The following MTOR variants were observed in gnomAD, a reference collection of about 807,000 sequenced individuals.
MTOR encodes the protein mechanistic target of rapamycin kinase, also known as serine/threonine-protein kinase mTOR.
A neutral mutation model predicts 319.8 loss-of-function variants in MTOR; 70 were observed. That is an observed-to-expected ratio of 0.22 (90% CI 0.18 to 0.27). The LOEUF is 0.27. MTOR is among the 10% of genes least tolerant of loss of function. MTOR has a pLI of 1.00. For missense variants in MTOR, 1,890 were observed against 3,274.4 expected (o/e 0.58, Z 10.32); for synonymous variants, 1,183 against 1,211.4 (o/e 0.98, Z 0.49).
intron 29 of MTOR, among the ~76,000 whole-genome samples, chr1:11,163,530 G>T (rs1557791618): frequency 6.6e-6 from 1 of 152,142 alleles, no homozygotes; most frequent in East Asian, 1.9e-4. Context: ...CACATAGTTG[G>T]AAGTAAAGCA....
chr1:11,191,869 A>G (rs1424175553), intron 28 of MTOR, among the ~76,000 whole-genome samples: 1 of 152,244 alleles, frequency 6.6e-6, no homozygotes, highest in African/African-American at 2.4e-5. Context: ...TCTATGAGAT[A>G]TTCACGACTG....
Position 11,253,844 on chromosome 1 carries a change from C to T in MTOR, c.835G>A (p.Gly279Arg), listed in dbSNP as rs764697096. ...NELVRISSMEGERLREEMEEI... is the reference protein window; with the variant it reads ...NELVRISSMERERLREEMEEI... The stretch of plus-strand genomic sequence containing the variant: ...CCTCTGCCGTGGCTTCTCACCTCTC[C>T]CTCCATGCTGCTGATTCGGACCAGC... The change falls in exon 6 of 58, where the codon GGA becomes AGA. Residue 279 changes from glycine to arginine, a missense_variant. Physicochemically the swap from Gly to Arg is moderately radical, Grantham distance 125. Around this residue, in one of 15 missense-constraint regions of MTOR, gnomAD observed 418 missense variants for 543.1 expected, o/e 0.77. Transcript: ENST00000361445. 9 of 1,614,002 alleles carry T rather than the reference C, an allele frequency of 5.6e-6. No homozygotes were observed.
chr1:11,175,526 A>T (rs1221046507), intron 28 of MTOR, among the ~76,000 whole-genome samples: 5 of 152,098 alleles, frequency 3.3e-5, no homozygotes, highest in Admixed American at 6.5e-5. Context: ...CTGCCTTCCT[A>T]TAGCAAACAT....
At position 11,128,080 on chromosome 1, in the gene MTOR, G is replaced by T. The variant is rs1356074098; in HGVS notation, c.5957C>A (p.Ala1986Asp). Residue 1986 changes from alanine to aspartate, a missense_variant, in exon 43 of 58, where the codon GCC becomes GAC. By Grantham distance (126) the Ala-to-Asp change is moderately radical. Transcript: ENST00000361445. This position sits in a 1 kb window ranked among gnomAD's most constrained non-coding sequence, Gnocchi z 5.3. ...LTVASKSTTTARHNAANKILK... is the reference protein window; with the variant it reads ...LTVASKSTTTDRHNAANKILK... ...AATCTTGTTGGCTGCATTGTGCCGGGCTGTCGTGGTAGACTTAGAAGCCAC... is the reference window on the plus strand; with the variant it reads ...AATCTTGTTGGCTGCATTGTGCCGGTCTGTCGTGGTAGACTTAGAAGCCAC... 1 of 1,614,188 alleles carries T rather than the reference G, an allele frequency of 6.2e-7. No homozygotes were observed. The highest frequency in any genetic ancestry group is 8.5e-7 in the Non-Finnish European group (1 of 1,180,038).
chr1:11,236,891 G>A (rs1011175109), intron 13 of MTOR, among the ~76,000 whole-genome samples: 10 of 152,144 alleles, frequency 6.6e-5, no homozygotes, highest in Middle Eastern at 3.4e-3. Flanking sequence ...AACGCAGGCC[G>A]GCAGTTAAAT....
intron 1 of MTOR, among the ~76,000 whole-genome samples, chr1:11,259,702 G>A (rs1310568420): frequency 6.6e-6 from 1 of 152,104 alleles, no homozygotes; most frequent in Non-Finnish European, 1.5e-5. Context: ...GAGCAGTTTG[G>A]GAGGCTGAGC....
At chr1:11,218,999 AG>A (rs113594048) in intron 19 of MTOR, among the ~76,000 whole-genome samples, 4,536 of 152,242 alleles carry the variant, frequency 0.03, 174 homozygotes, top group Admixed American at 0.071. Context: ...CCCCGAGCTC[AG>A]AAGTTTAAGA....
chr1:11,157,163 G>A lies in MTOR; in HGVS notation c.4458C>T (p.Ala1486=). The change falls in exon 30 of 58, where the codon GCC becomes GCT. Residue 1486 remains alanine, a synonymous_variant. Transcript: ENST00000361445. The part of the protein sequence containing the change: ...LMLGRMRCLE[A]LGEWGQLHQQ... ...TCTAGGAAGCTCACCATTCCCCCAAGGCCTCGAGGCAGCGCATGCGGCCCA... is the reference window on the plus strand; with the variant it reads ...TCTAGGAAGCTCACCATTCCCCCAAAGCCTCGAGGCAGCGCATGCGGCCCA... The A allele has an allele frequency of 6.2e-7, 1 of 1,608,230 alleles. No individual in the cohort carries two copies. Among genetic ancestry groups the A allele is most frequent in the Non-Finnish European group, 8.5e-7 (1 of 1,177,448 alleles).
chr1:11,130,909 G>C, intron 38 of MTOR, 132 bp from the exon 39 acceptor site: 1 of 1,181,940 alleles, frequency 8.5e-7, no homozygotes, highest in Non-Finnish European at 1.2e-6. Context: ...ACACTTCAAG[G>C]AGACACTCAG....
intron 18 of MTOR, 103 bp from the exon 19 acceptor site, chr1:11,229,021 C>A (rs1033922056): frequency 7.2e-7 from 1 of 1,396,528 alleles, no homozygotes; most frequent in South Asian, 1.3e-5. Context: ...CATTAGCATT[C>A]ATATCTTTCT....
At chr1:11,198,823 G>A (rs1645870289) in intron 28 of MTOR, among the ~76,000 whole-genome samples, 1 of 152,198 alleles carries the variant, frequency 6.6e-6, no homozygotes, top group Non-Finnish European at 1.5e-5. Flanking sequence ...CAAAACACCA[G>A]AGGAGGAAGA....
intron 8 of MTOR, among the ~76,000 whole-genome samples, chr1:11,247,370 A>G (rs1240541819): frequency 6.6e-6 from 1 of 152,142 alleles, no homozygotes; most frequent in African/African-American, 2.4e-5. Context: ...TTTTAAGTCT[A>G]CTTGTGAACT....
intron 25 of MTOR, among the ~76,000 whole-genome samples, chr1:11,205,136 A>G (rs1646097532): frequency 6.6e-6 from 1 of 152,250 alleles, no homozygotes; most frequent in African/African-American, 2.4e-5. Flanking sequence ...TGTTGCAACC[A>G]GGTGAGCAGT....
chr1:11,124,208 G>A (rs905888613), intron 47 of MTOR, among the ~76,000 whole-genome samples: 1 of 151,464 alleles, frequency 6.6e-6, no homozygotes, highest in Non-Finnish European at 1.5e-5. Context: ...AGGATTATAG[G>A]TGCGAGCCAC....
In MTOR at chr1:11,257,169, C is replaced by CA. The variant is rs749562014; in HGVS notation, c.272-5dup. 2.5e-6 allele frequency: 4 copies of CA among 1,609,920 alleles called. No individual in the cohort carries two copies. The highest frequency in any genetic ancestry group is 3.4e-6 in the Non-Finnish European group (4 of 1,177,824). On this transcript the variant is annotated splice_region_variant and splice_polypyrimidine_tract_variant and intron_variant, in intron 3 of 57. Coordinates refer to ENST00000361445, the MANE Select transcript of MTOR (RefSeq NM_004958.4). Reference sequence around the variant, plus strand: ...CCTTCCACTCCTATGAGGCTAGCTGCAAAAGAGAGGAAGGCAAAAGGTGAT... The same window carrying CA: ...CCTTCCACTCCTATGAGGCTAGCTGCAAAAAGAGAGGAAGGCAAAAGGTGAT...
intron 9 of MTOR, among the ~76,000 whole-genome samples, chr1:11,242,459 C>T (rs1648179079): frequency 7.4e-6 from 1 of 134,548 alleles, no homozygotes; most frequent in African/African-American, 2.7e-5. Flanking sequence ...AAGACCGTGC[C>T]ACTGCACTCC....
At chr1:11,217,761 C>T (rs2100812109) in intron 19 of MTOR, among the ~76,000 whole-genome samples, 1 of 151,620 alleles carries the variant, frequency 6.6e-6, no homozygotes, top group East Asian at 1.9e-4. Flanking sequence ...TCTCCATTAA[C>T]AAGGATAATT....
intron 29 of MTOR, among the ~76,000 whole-genome samples, chr1:11,162,535 A>T (rs1644508455): frequency 6.6e-6 from 1 of 152,220 alleles, no homozygotes; most frequent in Non-Finnish European, 1.5e-5. Context: ...AGCCAGAGAG[A>T]AAGGTTGGGT....
chr1:11,253,072 G>C (rs941660449), intron 6 of MTOR, among the ~76,000 whole-genome samples: 1 of 152,132 alleles, frequency 6.6e-6, no homozygotes, highest in Non-Finnish European at 1.5e-5. Flanking sequence ...AGCCAACTTT[G>C]GCTTGAGGAC....
Sources: gnomAD v4.1 joint callset for allele counts (sites outside exome capture counted in the v4.1 genomes callset) on GRCh38, gnomAD v4.1.1 for gene constraint, gnomAD v4.1.1 regional missense constraint, Gnocchi (gnomAD v3.1) non-coding constraint, MANE v1.5 for transcripts, NCBI Gene and HGNC (gene_info 2026-07-23, HGNC 2026-07-21) for gene names.